The following EIF3H variants were observed in gnomAD, a reference collection of about 807,000 sequenced individuals.
EIF3H encodes the protein eukaryotic translation initiation factor 3 subunit H.
In EIF3H, 26 loss-of-function variants were observed where a neutral mutation model predicts 44.2. The observed-to-expected ratio is 0.59, with a 90% confidence interval of 0.43 to 0.82. EIF3H has a LOEUF of 0.82. Ranked by LOEUF, EIF3H falls within the 40% of genes least tolerant of loss-of-function variation. The pLI is 0.00. For synonymous variants in EIF3H, 166 were observed against 151.9 expected (o/e 1.09, Z -0.68); for missense variants, 359 against 432.8 (o/e 0.83, Z 1.51).
intron 1 of EIF3H, among the ~76,000 whole-genome samples, chr8:116,743,167 G>C (rs189971242): frequency 1.3e-5 from 2 of 152,198 alleles, no homozygotes; most frequent in African/African-American, 2.4e-5. Context: ...TGGCAGGCAA[G>C]GCCAGGTGGT....
intron 2 of EIF3H, among the ~76,000 whole-genome samples, chr8:116,662,794 ATGTAT>A (rs1813604091): frequency 6.6e-6 from 1 of 152,234 alleles, no homozygotes; most frequent in Admixed American, 6.5e-5. Context: ...ACCAGCTGAC[ATGTAT>A]TTACCCCTTT....
intron 2 of EIF3H, among the ~76,000 whole-genome samples, chr8:116,662,071 T>C (rs1313414955): frequency 6.6e-6 from 1 of 152,180 alleles, no homozygotes; most frequent in Non-Finnish European, 1.5e-5. Flanking sequence ...ATAAGAGTTT[T>C]CATATCACCT....
At chr8:116,718,509 CAT>C (rs376190081) in intron 2 of EIF3H, among the ~76,000 whole-genome samples, 9 of 150,096 alleles carry the variant, frequency 6.0e-5, no homozygotes, top group Admixed American at 1.3e-4. Context: ...AAATGTGTTG[CAT>C]ATATATATAT....
intron 5 of EIF3H, among the ~76,000 whole-genome samples, chr8:116,649,676 G>A (rs1007070515): frequency 6.6e-6 from 1 of 152,092 alleles, no homozygotes. Context: ...ACTGCAAACA[G>A]GTATTTACTA....
intron 1 of EIF3H, chr8:116,737,378 G>T: frequency 2.5e-6 from 1 of 407,112 alleles, no homozygotes; most frequent in South Asian, 1.8e-5. Context: ...TAATAGGGCT[G>T]GGCGCAGTGG....
chr8:116,736,919 A>C (rs1815051657), intron 1 of EIF3H, among the ~76,000 whole-genome samples: 2 of 152,218 alleles, frequency 1.3e-5, no homozygotes, highest in African/African-American at 4.8e-5. Context: ...GTCACCAAAA[A>C]TAAATTAAAT....
intron 2 of EIF3H, among the ~76,000 whole-genome samples, chr8:116,711,018 G>A (rs549608127): frequency 6.6e-6 from 1 of 152,248 alleles, no homozygotes; most frequent in Admixed American, 6.5e-5. Flanking sequence ...ATACATTTTA[G>A]AAATATATTC....
intron 2 of EIF3H, among the ~76,000 whole-genome samples, chr8:116,679,461 G>A (rs1586451106): frequency 1.4e-4 from 5 of 35,886 alleles, no homozygotes; most frequent in African/African-American, 3.4e-4. Context: ...GGTGAGGGGC[G>A]CCTCTGCCCG....
chr8:116,654,102 G>A (rs750462389), intron 5 of EIF3H, among the ~76,000 whole-genome samples: 5 of 152,188 alleles, frequency 3.3e-5, no homozygotes, highest in Non-Finnish European at 7.3e-5. Context: ...CAATGTAAGT[G>A]TCTACTAGCA....
At position 116,646,472 on chromosome 8, in the gene EIF3H, T is replaced by C. The variant is rs1398141745; in HGVS notation, c.960A>G (p.Ala320=). 1.2e-6 allele frequency: 2 copies of C among 1,614,192 alleles called. No individual in the cohort carries two copies. The highest frequency in any genetic ancestry group is 1.7e-6 in the Non-Finnish European group (2 of 1,180,014). Residue 320 remains alanine, a splice_region_variant and synonymous_variant, in exon 7 of 8, where the codon GCA becomes GCG. Coordinates refer to ENST00000521861, the MANE Select transcript of EIF3H (RefSeq NM_003756.3). ...PPARMDSLLI[A]GQINTYCQNI... ...AGGTTTTGCACTGGGCAACAATACCTGCAATGAGCAGCGAGTCCATCCTGG... is the reference window on the plus strand; with the variant it reads ...AGGTTTTGCACTGGGCAACAATACCCGCAATGAGCAGCGAGTCCATCCTGG...
intron 1 of EIF3H, among the ~76,000 whole-genome samples, chr8:116,734,614 G>A (rs1438808897): frequency 6.6e-6 from 1 of 152,164 alleles, no homozygotes; most frequent in African/African-American, 2.4e-5. Flanking sequence ...GGAGTGCAGT[G>A]GCATGATCCC....
intron 1 of EIF3H, among the ~76,000 whole-genome samples, chr8:116,747,110 T>C (rs1815251533): frequency 6.6e-6 from 1 of 152,218 alleles, no homozygotes; most frequent in Non-Finnish European, 1.5e-5. Context: ...TCGTCCAGGT[T>C]GGAGTGCAGT....
chr8:116,661,578 C>T (rs528002081), intron 2 of EIF3H, among the ~76,000 whole-genome samples: 1 of 152,308 alleles, frequency 6.6e-6, no homozygotes, highest in East Asian at 1.9e-4. Context: ...CCACATTGTT[C>T]ACTGGACATA....
intron 1 of EIF3H, among the ~76,000 whole-genome samples, chr8:116,745,702 G>A (rs1055676124): frequency 2.0e-5 from 3 of 152,128 alleles, no homozygotes; most frequent in African/African-American, 4.8e-5. Context: ...AGGCTGGGGC[G>A]GGTGGATTGC....
intron 1 of EIF3H, among the ~76,000 whole-genome samples, chr8:116,752,665 G>GAAGAAGA (rs1815360879): frequency 1.6e-5 from 1 of 62,554 alleles, no homozygotes; most frequent in Non-Finnish European, 3.0e-5. Flanking sequence ...AGACAGAAAT[G>GAAGAAGA]AAGAAAGAAA....
rs1586464674 is a variant in EIF3H, at chr8:116,702,266, T to C, written c.289+23750A>G. Among the ~76,000 whole-genome samples the C allele has an allele frequency of 2.0e-5, 3 of 152,198 alleles. No individual in the cohort carries two copies. The South Asian group carries it at 6.2e-4, about 31-fold the overall frequency. On this transcript the variant is annotated intron_variant, in intron 2 of 7. Coordinates refer to ENST00000521861, the MANE Select transcript of EIF3H (RefSeq NM_003756.3). The stretch of plus-strand genomic sequence containing the variant: ...TAACAAATGGTTCATTCAGCATGGC[T>C]GGCATAACGGGAGAAGAAATGGAAG...
chr8:116,695,214 T>A (rs1440189138), intron 2 of EIF3H, among the ~76,000 whole-genome samples: 1 of 151,912 alleles, frequency 6.6e-6, no homozygotes, highest in Non-Finnish European at 1.5e-5. Context: ...TTTACAGGCA[T>A]GCCCCATCAC....
At chr8:116,702,212 G>A (rs1400211960) in intron 2 of EIF3H, among the ~76,000 whole-genome samples, 1 of 152,144 alleles carries the variant, frequency 6.6e-6, no homozygotes, top group East Asian at 1.9e-4. Context: ...CACTATCCAG[G>A]AACAAGGCAG....
At position 116,642,567 on chromosome 8, in the gene EIF3H, G is replaced by GTT. The variant is rs772369023; in HGVS notation, c.*2437_*2438dup. On this transcript the variant is annotated 3_prime_UTR_variant, in exon 8 of 8. Coordinates refer to ENST00000521861, the MANE Select transcript of EIF3H (RefSeq NM_003756.3). Reference sequence around the variant, plus strand: ...ATGTCAAATATCTTCTACTTTCTTGGTTTTTTAACATTCGATTTTTTCATT... The same window carrying GTT: ...ATGTCAAATATCTTCTACTTTCTTGGTTTTTTTTAACATTCGATTTTTTCATT... The GTT allele has an allele frequency of 6.6e-6, 1 of 152,190 alleles. No individual in the cohort carries two copies. Among genetic ancestry groups the GTT allele is most frequent in the Middle Eastern group, 3.4e-3 (1 of 294 alleles). 9.4% of individuals were successfully genotyped at this position (152,190 alleles called of 1,614,324 possible).
Sources: allele counts gnomAD v4.1 joint callset (sites outside exome capture counted in the v4.1 genomes callset), GRCh38; gene constraint gnomAD v4.1.1; transcripts MANE v1.5; gene names NCBI Gene and HGNC (gene_info 2026-07-23, HGNC 2026-07-21).